PRKCB: variants seen among roughly 807,000 people sequenced by gnomAD.
PRKCB encodes protein kinase C beta type.
Under a neutral mutation model 81.5 loss-of-function variants are expected in PRKCB, and 13 were observed. That is an observed-to-expected ratio of 0.16 (90% CI 0.10 to 0.25). The LOEUF is 0.25. Among genes scored for constraint, PRKCB ranks in the 10% least tolerant of loss-of-function variants. The pLI is 1.00. For missense variants in PRKCB, 509 were observed against 875.7 expected (o/e 0.58, Z 5.29); for synonymous variants, 335 against 321.4 (o/e 1.04, Z -0.45).
chr16:23,869,988 C>T (rs1015742044), intron 2 of PRKCB, among the ~76,000 whole-genome samples: 3 of 150,366 alleles, frequency 2.0e-5, no homozygotes, highest in Non-Finnish European at 2.9e-5. Context: ...CGCCATTGCA[C>T]TCTAGCCTGG....
At chr16:24,031,636 C>G (rs905641364) in intron 3 of PRKCB, among the ~76,000 whole-genome samples, 1 of 152,222 alleles carries the variant, frequency 6.6e-6, no homozygotes, top group Non-Finnish European at 1.5e-5. Flanking sequence ...TGCAGACTGT[C>G]CACTGGGCTT....
chr16:24,198,322 G>C (rs1295872861), intron 16 of PRKCB, among the ~76,000 whole-genome samples: 4 of 152,118 alleles, frequency 2.6e-5, no homozygotes, highest in South Asian at 2.1e-4. Flanking sequence ...CCTCTGAAAG[G>C]CTCCCATAGT....
intron 3 of PRKCB, among the ~76,000 whole-genome samples, chr16:24,024,380 G>A (rs1965449081): frequency 6.6e-6 from 1 of 152,180 alleles, no homozygotes; most frequent in African/African-American, 2.4e-5. Context: ...TTTCGGATAG[G>A]AGGAATTGCC....
At chr16:24,041,813 G>T (rs1965701121) in intron 5 of PRKCB, among the ~76,000 whole-genome samples, 1 of 151,734 alleles carries the variant, frequency 6.6e-6, no homozygotes, top group Non-Finnish European at 1.5e-5. Context: ...ACAAAACCCT[G>T]TCTCTACTAA....
rs569249979 is a variant in PRKCB at position 23,968,326 on chromosome 16, G to A, written c.206-20182G>A. ...GACTATTTAGGGAGACTTGGGCAAG[G>A]TTAAGATTACAAATAAGGAATGTGG... On this transcript the variant is annotated intron_variant, in intron 2 of 16. Coordinates refer to ENST00000643927, the MANE Select transcript of PRKCB (RefSeq NM_002738.7). 2.0e-5 allele frequency among the ~76,000 whole-genome samples: 3 copies of A among 152,310 alleles called. No homozygotes were observed. In the East Asian group the frequency reaches 5.8e-4, roughly 29 times the overall value.
chr16:23,858,738 T>C (rs1252799992), intron 2 of PRKCB, among the ~76,000 whole-genome samples: 1 of 152,128 alleles, frequency 6.6e-6, no homozygotes, highest in Non-Finnish European at 1.5e-5. Flanking sequence ...TTGAGTCACT[T>C]GGAAGGAAGA....
chr16:24,089,418 A>T (rs1421561109), intron 5 of PRKCB, among the ~76,000 whole-genome samples: 1 of 152,172 alleles, frequency 6.6e-6, no homozygotes, highest in Non-Finnish European at 1.5e-5. Flanking sequence ...GAAGAAAACC[A>T]CAAATGGTTC....
chr16:23,855,165 G>GGAGA (rs148520313), intron 2 of PRKCB, among the ~76,000 whole-genome samples: 1 of 149,806 alleles, frequency 6.7e-6, no homozygotes, highest in South Asian at 2.1e-4. Context: ...GGGGGTGGCA[G>GGAGA]GAGAGAGAGA....
At chr16:24,017,345 A>T (rs1205565075) in intron 3 of PRKCB, among the ~76,000 whole-genome samples, 2 of 152,262 alleles carry the variant, frequency 1.3e-5, no homozygotes, top group Non-Finnish European at 2.9e-5. Flanking sequence ...AGCTCATGCT[A>T]AAATGAATGC....
intron 16 of PRKCB, among the ~76,000 whole-genome samples, chr16:24,195,974 C>T (rs1276105091): frequency 6.6e-6 from 1 of 152,170 alleles, no homozygotes; most frequent in African/African-American, 2.4e-5. Flanking sequence ...TCTCACCAGC[C>T]CCCTGATCCC....
intron 2 of PRKCB, among the ~76,000 whole-genome samples, chr16:23,970,272 A>C (rs1044684964): frequency 6.7e-6 from 1 of 150,258 alleles, no homozygotes; most frequent in Non-Finnish European, 1.5e-5. Context: ...GGGTAGTAAC[A>C]CTCCTTCACC....
chr16:24,047,352 TAAATA>T (rs1555493042), intron 5 of PRKCB, among the ~76,000 whole-genome samples: 3 of 151,246 alleles, frequency 2.0e-5, no homozygotes, highest in Middle Eastern at 3.4e-3. Context: ...AAAAAATAAA[TAAATA>T]AAATAAAATA....
At chr16:23,873,763 A>G (rs1962951087) in intron 2 of PRKCB, among the ~76,000 whole-genome samples, 1 of 152,242 alleles carries the variant, frequency 6.6e-6, no homozygotes, top group African/African-American at 2.4e-5. Context: ...GCCAGGCATG[A>G]GCTGAGACCT....
intron 5 of PRKCB, among the ~76,000 whole-genome samples, chr16:24,061,922 A>C (rs1596532892): frequency 6.7e-6 from 1 of 149,508 alleles, no homozygotes; most frequent in Non-Finnish European, 1.5e-5. Flanking sequence ...AAAAAAAAAA[A>C]AAAAAAAAAA....
intron 15 of PRKCB, among the ~76,000 whole-genome samples, chr16:24,187,654 TTTTTGTTTTG>T (rs374822483): frequency 0.011 from 1,577 of 147,332 alleles, 18 homozygotes; most frequent in Middle Eastern, 0.028. Flanking sequence ...GCACAAGGTG[TTTTTGTTTTG>T]TTTTGTTTTG....
In PRKCB at chr16:24,217,304, G is replaced by A. The variant is rs1156233194; in HGVS notation, c.*2488G>A. On this transcript the variant is annotated 3_prime_UTR_variant, in exon 17 of 17. Coordinates refer to ENST00000643927, the MANE Select transcript of PRKCB (RefSeq NM_002738.7). ...AGTCTGTTTTAGAGAAACTTTCCATGGAAAGTCAGAATTTCTACCACTTCC... is the reference window on the plus strand; with the variant it reads ...AGTCTGTTTTAGAGAAACTTTCCATAGAAAGTCAGAATTTCTACCACTTCC... 13 of 985,258 alleles carry A rather than the reference G, an allele frequency of 1.3e-5. No homozygotes were observed. The highest frequency in any genetic ancestry group is 1.4e-5 in the Non-Finnish European group (12 of 829,918). The allele number at this position is 985,258 out of a possible 1,614,324, so 61.0% of individuals were successfully genotyped here.
chr16:24,100,806 C>T (rs1182967233), intron 7 of PRKCB, among the ~76,000 whole-genome samples: 3 of 152,192 alleles, frequency 2.0e-5, no homozygotes, highest in African/African-American at 4.8e-5. Flanking sequence ...CTCAAATCAG[C>T]CTCCTCCAAA....
At chr16:24,210,972 T>C (rs1036443116) in intron 16 of PRKCB, among the ~76,000 whole-genome samples, 1 of 152,198 alleles carries the variant, frequency 6.6e-6, no homozygotes, top group African/African-American at 2.4e-5. Context: ...TAGTGGGTGC[T>C]CAGTAAATCC....
intron 10 of PRKCB, among the ~76,000 whole-genome samples, chr16:24,171,792 G>A (rs1967444478): frequency 6.6e-6 from 1 of 152,112 alleles, no homozygotes; most frequent in Non-Finnish European, 1.5e-5. Context: ...GGAGTGCAGT[G>A]GCATGATCAT....
Sources: allele counts gnomAD v4.1 joint callset (sites outside exome capture counted in the v4.1 genomes callset), GRCh38; gene constraint gnomAD v4.1.1; transcripts MANE v1.5; gene names NCBI Gene and HGNC (gene_info 2026-07-23, HGNC 2026-07-21).